FAM193A: variants seen among roughly 807,000 people sequenced by gnomAD.
FAM193A encodes protein FAM193A.
In FAM193A, 22 loss-of-function variants were observed where a neutral mutation model predicts 126.5. The ratio of observed to expected loss-of-function variants is 0.17; its 90% confidence interval spans 0.12 to 0.25. The LOEUF is 0.25. Ranked by LOEUF, FAM193A falls within the 10% of genes least tolerant of loss-of-function variation. FAM193A has a pLI of 1.00. For missense variants in FAM193A, 1,675 were observed against 1,672.8 expected, an observed-to-expected ratio of 1.00 and a Z score of -0.02; for synonymous variants, 761 against 646.8, an observed-to-expected ratio of 1.18 and a Z score of -2.68.
rs555923495 is a variant in FAM193A at position 2,586,112 on chromosome 4, G to A, written c.256-9972G>A. Among the ~76,000 whole-genome samples the A allele has an allele frequency of 6.6e-5, 10 of 151,944 alleles. No homozygotes were observed. In the East Asian group the frequency reaches 1.9e-3, roughly 29 times the overall value. The stretch of plus-strand genomic sequence containing the variant: ...GACAAAATTAGCCAGGCGTGGTGGT[G>A]CATGCCAGTAATCCTAGCTACTGGG... On this transcript the variant is annotated intron_variant, in intron 1 of 20. Coordinates refer to ENST00000637812, the MANE Select transcript of FAM193A (RefSeq NM_001366318.2).
chr4:2,673,670 A>G (rs1714075876), intron 13 of FAM193A, among the ~76,000 whole-genome samples: 4 of 152,214 alleles, frequency 2.6e-5, no homozygotes, highest in Admixed American at 1.3e-4. Flanking sequence ...CTCTGGGTGT[A>G]AAGTGAGGAA....
chr4:2,710,502 T>G (rs1384013237), intron 19 of FAM193A, among the ~76,000 whole-genome samples: 2 of 151,292 alleles, frequency 1.3e-5, no homozygotes, highest in African/African-American at 4.9e-5. Context: ...CTTTCTTTCT[T>G]TTTTATTTTT....
At chr4:2,612,667 A>ATATTGTC (rs1741948345) in intron 2 of FAM193A, among the ~76,000 whole-genome samples, 1 of 152,194 alleles carries the variant, frequency 6.6e-6, no homozygotes, top group Admixed American at 6.5e-5. Flanking sequence ...GTTCAGAACT[A>ATATTGTC]TTTATTGAAA....
At chr4:2,589,649 C>A (rs998579688) in intron 1 of FAM193A, among the ~76,000 whole-genome samples, 2 of 152,156 alleles carry the variant, frequency 1.3e-5, no homozygotes, top group Non-Finnish European at 2.9e-5. Context: ...TGTTACCAAT[C>A]TCTTTGTAAC....
intron 2 of FAM193A, among the ~76,000 whole-genome samples, chr4:2,597,395 G>A (rs558843607): frequency 2.0e-5 from 3 of 151,992 alleles, no homozygotes; most frequent in Non-Finnish European, 4.4e-5. Context: ...GTGGTGGTTG[G>A]TTTGTTTTCT....
intron 18 of FAM193A, 38 bp from the exon 19 acceptor site, chr4:2,699,642 C>T (rs775137303): frequency 1.9e-6 from 3 of 1,554,666 alleles, no homozygotes; most frequent in Non-Finnish European, 2.6e-6. Flanking sequence ...TTTTAGCACT[C>T]ACTGTAGTCT....
intron 4 of FAM193A, among the ~76,000 whole-genome samples, chr4:2,630,330 T>TAA (rs3037154): frequency 5.2e-4 from 77 of 149,222 alleles, no homozygotes; most frequent in South Asian, 2.5e-3. Context: ...GGATAATTGT[T>TAA]AAAAAAAAAA....
chr4:2,625,565 C>G (rs772654888), intron 3 of FAM193A, 170 bp downstream of exon 3: 8 of 456,624 alleles, frequency 1.8e-5, no homozygotes, highest in African/African-American at 1.6e-4. Context: ...AACTGTTGCT[C>G]TTGAGGAACT....
chr4:2,709,265 G>C (rs1477695678), intron 19 of FAM193A, among the ~76,000 whole-genome samples: 3 of 151,944 alleles, frequency 2.0e-5, no homozygotes, highest in Non-Finnish European at 4.4e-5. Context: ...ACTTGATTAT[G>C]GTATATCCTT....
intron 2 of FAM193A, among the ~76,000 whole-genome samples, chr4:2,597,939 C>G (rs1177549679): frequency 6.6e-6 from 1 of 152,050 alleles, no homozygotes; most frequent in East Asian, 1.9e-4. Flanking sequence ...GAGTCTCGCT[C>G]TGTCACCCAG....
In FAM193A at chr4:2,596,079, TCCAGAC is replaced by T. The variant is rs1577054153; in HGVS notation, c.256-4_257del. Reference sequence around the variant, plus strand: ...TGAAAATAGAATTTTTTTTTTCTATTCCAGACTCCTTTTAGTTTTGGCATGAATCAT... The same window carrying T: ...TGAAAATAGAATTTTTTTTTTCTATTTCCTTTTAGTTTTGGCATGAATCAT... On this transcript the variant is annotated splice_acceptor_variant and splice_polypyrimidine_tract_variant and coding_sequence_variant and intron_variant, in exon 2 of 21. Coordinates refer to ENST00000637812, the MANE Select transcript of FAM193A (RefSeq NM_001366318.2). LOFTEE classifies it high-confidence loss of function. 1 of 695,060 alleles carries T rather than the reference TCCAGAC, an allele frequency of 1.4e-6. No homozygotes were observed. Among genetic ancestry groups the T allele is most frequent in the Non-Finnish European group, 2.6e-6 (1 of 380,178 alleles). The allele number at this position is 695,060 out of a possible 1,614,324, so 43.1% of individuals were successfully genotyped here.
At chr4:2,663,615 G>A (rs1712747927) in intron 12 of FAM193A, among the ~76,000 whole-genome samples, 1 of 152,108 alleles carries the variant, frequency 6.6e-6, no homozygotes, top group Admixed American at 6.6e-5. Context: ...TCTTCTGTTA[G>A]CCAAAGGTGA....
At chr4:2,610,390 C>G (rs1253745912) in intron 2 of FAM193A, among the ~76,000 whole-genome samples, 1 of 152,114 alleles carries the variant, frequency 6.6e-6, no homozygotes, top group African/African-American at 2.4e-5. Flanking sequence ...GAATGCTTGC[C>G]CTGTTGGGTT....
At chr4:2,706,291 CTTT>C (rs59143784) in intron 19 of FAM193A, among the ~76,000 whole-genome samples, 3 of 108,614 alleles carry the variant, frequency 2.8e-5, no homozygotes, top group African/African-American at 3.6e-5. Context: ...TTCTTTCTTT[CTTT>C]TTTTTTTTTT....
At chr4:2,597,987 C>G (rs970598316) in intron 2 of FAM193A, among the ~76,000 whole-genome samples, 2 of 152,114 alleles carry the variant, frequency 1.3e-5, no homozygotes, top group Admixed American at 6.6e-5. Flanking sequence ...TCACTGCAAC[C>G]TCCGCCTCCC....
At chr4:2,535,550 G>C (rs1390862196), upstream of FAM193A, among the ~76,000 whole-genome samples, 2 of 152,256 alleles carry the variant, frequency 1.3e-5, no homozygotes, top group Non-Finnish European at 2.9e-5. Flanking sequence ...GGCCCTCCAG[G>C]GGGCGGAGCC....
intron 2 of FAM193A, among the ~76,000 whole-genome samples, chr4:2,613,525 C>T (rs1343836906): frequency 6.6e-6 from 1 of 151,262 alleles, no homozygotes; most frequent in African/African-American, 2.4e-5. Flanking sequence ...GCGATGTCGG[C>T]TCACCACAAC....
chr4:2,715,976 T>C, intron 19 of FAM193A, 47 bp from the exon 20 acceptor site: 1 of 1,017,142 alleles, frequency 9.8e-7, no homozygotes, highest in Non-Finnish European at 1.6e-6. Context: ...TCTGATAAGA[T>C]AGCCTGCTGC....
At chr4:2,691,539 C>A (rs1211481433) in intron 15 of FAM193A, among the ~76,000 whole-genome samples, 1 of 152,152 alleles carries the variant, frequency 6.6e-6, no homozygotes, top group African/African-American at 2.4e-5. Flanking sequence ...GCCTAGGGTA[C>A]AGCCCCTGGC....
Sources: allele counts gnomAD v4.1 joint callset (sites outside exome capture counted in the v4.1 genomes callset), GRCh38; gene constraint gnomAD v4.1.1; transcripts MANE v1.5; gene names NCBI Gene and HGNC (gene_info 2026-07-23, HGNC 2026-07-21).